The following ECPAS variants were observed in gnomAD, a reference collection of about 807,000 sequenced individuals.
ECPAS encodes proteasome adapter and scaffold protein ECM29.
Under a neutral mutation model 255.1 loss-of-function variants are expected in ECPAS, and 70 were observed. The ratio of observed to expected loss-of-function variants is 0.27; its 90% CI spans 0.23 to 0.33. The LOEUF (loss-of-function observed/expected upper bound fraction) is 0.33. Ranked by LOEUF, ECPAS falls within the 10% of genes least tolerant of loss-of-function variation. The probability of loss-of-function intolerance (pLI) is 1.00; values close to 1 mark genes in which losing one functional copy is unlikely to be tolerated. For synonymous variants in ECPAS, 784 were observed against 775.0 expected, an observed-to-expected ratio of 1.01 and a Z score of -0.19; for missense variants, 1,817 against 2,206.4, an observed-to-expected ratio of 0.82 and a Z score of 3.54.
intron 37 of ECPAS, among the ~76,000 whole-genome samples, chr9:111,375,534 T>C (rs753343619): frequency 5.3e-5 from 8 of 152,200 alleles, no homozygotes; most frequent in Non-Finnish European, 1.2e-4. Flanking sequence ...AAACCTAAAC[T>C]AAATATTGAT....
intron 2 of ECPAS, among the ~76,000 whole-genome samples, chr9:111,459,250 T>C (rs1178956124): frequency 1.3e-5 from 2 of 152,114 alleles, no homozygotes; most frequent in Admixed American, 1.3e-4. Context: ...GAAGAAATTA[T>C]TATCTTTTTC....
intron 21 of ECPAS, chr9:111,411,622 A>T (rs1055274623): frequency 1.1e-5 from 2 of 179,200 alleles, no homozygotes; most frequent in African/African-American, 4.7e-5. Flanking sequence ...CACTGGCAGC[A>T]GTAGATGAGG....
chr9:111,449,495 AAATTT>A (rs1253583269), intron 3 of ECPAS, among the ~76,000 whole-genome samples: 1 of 152,168 alleles, frequency 6.6e-6, no homozygotes, highest in African/African-American at 2.4e-5. Flanking sequence ...ATACATAATA[AAATTT>A]ATTTTTTTAA....
In ECPAS at chr9:111,361,548, A is replaced by G. The variant is rs565600049; in HGVS notation, c.*482T>C. On this transcript the variant is annotated 3_prime_UTR_variant, in exon 50 of 50. Transcript: ENST00000684092. ...GCCATAAAAGAAAGTATCCAGGGCCAGACATTAAACACCTGGGTTCTGACT... is the reference window on the plus strand; with the variant it reads ...GCCATAAAAGAAAGTATCCAGGGCCGGACATTAAACACCTGGGTTCTGACT... 4 of 152,528 alleles carry G rather than the reference A, an allele frequency of 2.6e-5. No homozygotes were observed. The highest frequency in any genetic ancestry group is 5.9e-5 in the Non-Finnish European group (4 of 68,282). 9.4% of individuals were successfully genotyped at this position (152,528 alleles called of 1,614,324 possible).
intron 31 of ECPAS, among the ~76,000 whole-genome samples, chr9:111,386,957 T>C (rs560864585): frequency 4.5e-4 from 68 of 152,334 alleles, no homozygotes; most frequent in Non-Finnish European, 7.6e-4. Context: ...CACAAAATCA[T>C]ACAATAACTG....
intron 35 of ECPAS, among the ~76,000 whole-genome samples, chr9:111,381,782 C>T (rs1035223833): frequency 6.6e-6 from 1 of 152,142 alleles, no homozygotes; most frequent in Non-Finnish European, 1.5e-5. Context: ...ATCCAAATTT[C>T]TCTGTTTCAT....
intron 1 of ECPAS, chr9:111,483,840 G>GGCGGCTCT (rs2098310951): frequency 3.4e-6 from 1 of 290,610 alleles, no homozygotes; most frequent in South Asian, 1.2e-4. Context: ...AGGCCCGCGC[G>GGCGGCTCT]GCGGCTCTGC....
At chr9:111,434,585 CTTTTT>C (rs34507397) in intron 7 of ECPAS, among the ~76,000 whole-genome samples, 2 of 109,266 alleles carry the variant, frequency 1.8e-5, no homozygotes, top group Admixed American at 9.5e-5. Flanking sequence ...TTCCAGTTAA[CTTTTT>C]TTTTTTTTTT....
intron 42 of ECPAS, among the ~76,000 whole-genome samples, chr9:111,372,163 C>T (rs2098128164): frequency 6.6e-6 from 1 of 152,194 alleles, no homozygotes; most frequent in Admixed American, 6.5e-5. Flanking sequence ...TAAAGCTCTC[C>T]TTGCTCACAG....
At chr9:111,467,693 T>C (rs1980877) in intron 2 of ECPAS, among the ~76,000 whole-genome samples, 151,029 of 152,310 alleles carry the variant, frequency 0.99, 74,882 homozygotes, top group Middle Eastern at 1. Flanking sequence ...CAGAAATATA[T>C]TACACTATAA....
chr9:111,365,767 T>C (rs1222448345), intron 48 of ECPAS: 2 of 153,394 alleles, frequency 1.3e-5, no homozygotes, highest in Non-Finnish European at 2.9e-5. Flanking sequence ...CCATGTTTAC[T>C]ACCTAAAGTT....
chr9:111,362,944 G>T (rs2098115595), intron 49 of ECPAS, among the ~76,000 whole-genome samples: 1 of 152,136 alleles, frequency 6.6e-6, no homozygotes, highest in South Asian at 2.1e-4. Flanking sequence ...GCTAAGCAAA[G>T]ATAGAGAAGT....
At chr9:111,442,512 T>A (rs1276106195) in intron 4 of ECPAS, 88 bp from the exon 5 acceptor site, 36 of 843,204 alleles carry the variant, frequency 4.3e-5, no homozygotes, top group Non-Finnish European at 3.8e-5. Flanking sequence ...TAGAGAGTTA[T>A]GGTTACAACA....
intron 12 of ECPAS, 119 bp downstream of exon 12, chr9:111,425,299 G>T: frequency 1.6e-6 from 1 of 636,814 alleles, no homozygotes; most frequent in Non-Finnish European, 2.5e-6. Context: ...CAAGTAAAAT[G>T]TTAAGGAACA....
chr9:111,434,919 C>CTTT (rs2098235699), intron 7 of ECPAS, among the ~76,000 whole-genome samples: 2 of 25,984 alleles, frequency 7.7e-5, no homozygotes, highest in East Asian at 1.3e-3. Context: ...TTTTTTTTTA[C>CTTT]ACAGAGTCTT....
intron 3 of ECPAS, among the ~76,000 whole-genome samples, chr9:111,447,589 T>C (rs2098255000): frequency 6.6e-6 from 1 of 152,158 alleles, no homozygotes; most frequent in Admixed American, 6.6e-5. Context: ...ACTGTAAAGA[T>C]TAAATGAAAA....
At chr9:111,435,748 C>G (rs2098237139) in intron 7 of ECPAS, among the ~76,000 whole-genome samples, 2 of 148,540 alleles carry the variant, frequency 1.3e-5, no homozygotes, top group African/African-American at 5.0e-5. Flanking sequence ...GGCACGATCT[C>G]GGCGCACTGC....
chr9:111,400,156 GGGTATCTA>G (rs2131654652), intron 24 of ECPAS, among the ~76,000 whole-genome samples: 2 of 152,350 alleles, frequency 1.3e-5, no homozygotes, highest in South Asian at 2.1e-4. Flanking sequence ...CATCAATGCT[GGGTATCTA>G]GGTATCTGTA....
chr9:111,476,445 A>C (rs1339422078), intron 1 of ECPAS, among the ~76,000 whole-genome samples: 1 of 152,212 alleles, frequency 6.6e-6, no homozygotes, highest in African/African-American at 2.4e-5. Context: ...AAGGAAAGAA[A>C]GCTACAGGCT....
Sources: allele counts gnomAD v4.1 joint callset (sites outside exome capture counted in the v4.1 genomes callset), GRCh38; gene constraint gnomAD v4.1.1; transcripts MANE v1.5; gene names NCBI Gene and HGNC (gene_info 2026-07-23, HGNC 2026-07-21).